Variants in ARHGAP39 observed in about 807,000 individuals in gnomAD.
ARHGAP39 encodes the protein rho GTPase-activating protein 39.
Under a neutral mutation model 106.9 loss-of-function variants are expected in ARHGAP39, and 44 were observed. The observed-to-expected ratio is 0.41, with a 90% CI of 0.32 to 0.53. ARHGAP39 has a LOEUF of 0.53. Among genes scored for constraint, ARHGAP39 ranks in the 20% least tolerant of loss-of-function variants. The pLI, the probability that ARHGAP39 is intolerant of heterozygous loss-of-function variation, is 0.21. For synonymous variants in ARHGAP39, 768 were observed against 693.2 expected (o/e 1.11, Z -1.69); for missense variants, 1,496 against 1,577.3 (o/e 0.95, Z 0.87).
At chr8:144,637,822 G>A (rs528151832) in intron 1 of ARHGAP39, among the ~76,000 whole-genome samples, 99 of 151,706 alleles carry the variant, frequency 6.5e-4, no homozygotes, top group African/African-American at 2.4e-3. Flanking sequence ...TGAGTAGCTG[G>A]GACCATAGGT....
intron 3 of ARHGAP39, among the ~76,000 whole-genome samples, chr8:144,579,907 G>A (rs937612756): frequency 1.3e-5 from 2 of 151,996 alleles, no homozygotes; most frequent in East Asian, 1.9e-4. Flanking sequence ...GCCTCCATCC[G>A]CCCCTGCAGT....
chr8:144,561,611 AGTGGTTTC>A (rs1818164181), intron 3 of ARHGAP39, among the ~76,000 whole-genome samples: 1 of 147,246 alleles, frequency 6.8e-6, no homozygotes. Context: ...ATCGCGCTCC[AGTGGTTTC>A]CATCGGACCC....
At chr8:144,584,102 T>C (rs1406568198) in intron 2 of ARHGAP39, 1 of 152,282 alleles carries the variant, frequency 6.6e-6, no homozygotes, top group South Asian at 2.1e-4. Context: ...TACATGTATA[T>C]AGTTGTCTAG....
chr8:144,673,131 C>A (rs142011162), intron 1 of ARHGAP39, among the ~76,000 whole-genome samples: 27 of 152,068 alleles, frequency 1.8e-4, no homozygotes, highest in Admixed American at 3.3e-4. Flanking sequence ...GCAGGAGGAT[C>A]GCTTGAGCCC....
intron 1 of ARHGAP39, among the ~76,000 whole-genome samples, chr8:144,607,192 C>A (rs1269249506): frequency 6.7e-6 from 1 of 149,166 alleles, no homozygotes; most frequent in Admixed American, 6.7e-5. Context: ...GGGAGGATCC[C>A]GCCACTGCGC....
rs1334456394 is a variant in ARHGAP39, at chr8:144,557,532, A to G, written c.513-1889T>C. On this transcript the variant is annotated intron_variant, in intron 3 of 11. Transcript: ENST00000377307. ...TTCAGCGGCAAAAGGCTGAACCTTC[A>G]TCGTATTCAGAGGCAAAGGCTGAAC... Among the ~76,000 whole-genome samples, 23 of 148,114 alleles carry G rather than the reference A, an allele frequency of 1.6e-4. No individual in the cohort carries two copies. The South Asian group carries it at 2.7e-3, about 17-fold the overall frequency.
At chr8:144,594,067 C>T (rs1480070926) in intron 2 of ARHGAP39, among the ~76,000 whole-genome samples, 3 of 132,354 alleles carry the variant, frequency 2.3e-5, no homozygotes, top group Non-Finnish European at 3.1e-5. Flanking sequence ...CCAGCGTGGG[C>T]GACAAAGTGA....
intron 1 of ARHGAP39, among the ~76,000 whole-genome samples, chr8:144,615,650 G>A (rs778027657): frequency 2.0e-5 from 3 of 152,218 alleles, no homozygotes; most frequent in Non-Finnish European, 2.9e-5. Context: ...AAGGAAAGCA[G>A]AATAAATGAG....
At position 144,670,603 on chromosome 8, in the gene ARHGAP39, G is replaced by A. The variant is rs1822077754; in HGVS notation, c.-82+15083C>T. On this transcript the variant is annotated intron_variant, in intron 1 of 11. Transcript: ENST00000377307. The surrounding 1 kb of genome is among the most constrained non-coding windows in gnomAD (Gnocchi z 4.4). ...TGTCCTGCCTCCCGCCCTGCTCCAG[G>A]CTCCCTGGGCTCCTGCCATCCGGTC... Among the ~76,000 whole-genome samples the A allele has an allele frequency of 6.6e-6, 1 of 152,022 alleles. No homozygotes were observed. Among genetic ancestry groups the A allele is most frequent in the East Asian group, 1.9e-4 (1 of 5,188 alleles).
chr8:144,567,530 C>A (rs1216452233), intron 3 of ARHGAP39, among the ~76,000 whole-genome samples: 1 of 152,196 alleles, frequency 6.6e-6, no homozygotes, highest in Admixed American at 6.5e-5. Context: ...GACTCTACTC[C>A]TCCACCTCTT....
At chr8:144,698,044 C>T in the ARHGAP39 span, among the ~76,000 whole-genome samples, 2 of 152,138 alleles carry the variant, frequency 1.3e-5, no homozygotes, top group African/African-American at 4.8e-5. Context: ...CCTCCTAAAC[C>T]TCATGCTGAG....
chr8:144,622,180 T>C (rs1201481375), intron 1 of ARHGAP39, among the ~76,000 whole-genome samples: 3 of 152,164 alleles, frequency 2.0e-5, no homozygotes, highest in Non-Finnish European at 2.9e-5. Context: ...CGATGGGGTC[T>C]GCACAGGCCC....
intron 1 of ARHGAP39, among the ~76,000 whole-genome samples, chr8:144,620,330 TGTGTGTCCAAG>T (rs1204091043): frequency 3.8e-3 from 27 of 7,140 alleles, no homozygotes; most frequent in African/African-American, 0.013. Flanking sequence ...TCTGTTAGCC[TGTGTGTCCAAG>T]GGAGCGTGTG....
At chr8:144,698,763 C>A in the ARHGAP39 span, 1 of 453,206 alleles carries the variant, frequency 2.2e-6, no homozygotes, top group Non-Finnish European at 4.4e-6. Flanking sequence ...CATGAGTGTC[C>A]TTGGCCATGA....
intron 1 of ARHGAP39, among the ~76,000 whole-genome samples, chr8:144,630,335 C>T (rs993765082): frequency 4.6e-5 from 7 of 152,342 alleles, no homozygotes; most frequent in African/African-American, 7.2e-5. Flanking sequence ...TCTACCTTGA[C>T]AACAGATGAA....
intron 1 of ARHGAP39, among the ~76,000 whole-genome samples, chr8:144,673,743 T>C (rs890330416): frequency 6.6e-6 from 1 of 152,218 alleles, no homozygotes; most frequent in Non-Finnish European, 1.5e-5. Context: ...GCCGGCAGAC[T>C]GCTCTCAGCT....
intron 1 of ARHGAP39, among the ~76,000 whole-genome samples, chr8:144,677,451 G>A (rs146713065): frequency 3.3e-5 from 5 of 152,320 alleles, no homozygotes; most frequent in South Asian, 2.1e-4. Context: ...CGGAATAAAC[G>A]GTGATTGAAG....
At chr8:144,564,338 C>T (rs1023748049) in intron 3 of ARHGAP39, among the ~76,000 whole-genome samples, 4 of 152,226 alleles carry the variant, frequency 2.6e-5, no homozygotes, top group Admixed American at 2.0e-4. Flanking sequence ...TCTTCCGTCT[C>T]GGGACGTGCC....
In ARHGAP39 at chr8:144,641,854, G is replaced by A. The variant is rs542733694; in HGVS notation, c.-81-36159C>T. 3.3e-5 allele frequency among the ~76,000 whole-genome samples: 5 copies of A among 152,322 alleles called. No homozygotes were observed. In the East Asian group the frequency reaches 7.7e-4, roughly 24 times the overall value. On this transcript the variant is annotated intron_variant, in intron 1 of 11. Coordinates refer to ENST00000377307, the MANE Select transcript of ARHGAP39 (RefSeq NM_025251.3). The surrounding 1 kb of genome is among the most constrained non-coding windows in gnomAD (Gnocchi z 5.2). ...CACAGTGCAGCCACGAGGAGGAGGGGTACCTGCCACAAGCTCCGGGTGGGC... is the reference window on the plus strand; with the variant it reads ...CACAGTGCAGCCACGAGGAGGAGGGATACCTGCCACAAGCTCCGGGTGGGC...
Sources: gnomAD v4.1 joint callset for allele counts (sites outside exome capture counted in the v4.1 genomes callset) on GRCh38, gnomAD v4.1.1 for gene constraint, Gnocchi (gnomAD v3.1) non-coding constraint, MANE v1.5 for transcripts, NCBI Gene and HGNC (gene_info 2026-07-23, HGNC 2026-07-21) for gene names.